ZNF398: variants seen among roughly 807,000 people sequenced by gnomAD.
The protein encoded by ZNF398 is zinc finger protein 398.
A neutral mutation model predicts 41.9 loss-of-function variants in ZNF398; 18 were observed. The ratio of observed to expected loss-of-function variants is 0.43; its 90% CI spans 0.30 to 0.64. The LOEUF (loss-of-function observed/expected upper bound fraction) is 0.64, where lower values mean the gene tolerates loss of function less well. ZNF398 is among the 30% of genes least tolerant of loss of function. The pLI is 0.14. For missense variants in ZNF398, 669 were observed against 822.8 expected (o/e 0.81, Z 2.29); for synonymous variants, 260 against 308.8 (o/e 0.84, Z 1.66).
In ZNF398 at chr7:149,176,552, A is replaced by C. The variant is rs749782587; in HGVS notation, c.746A>C (p.Glu249Ala). ...GTTGGGGCCCCACCGGAGTCCAAGG[A>C]GAGTGACGTGTACAAAAGCACTTAT... is the stretch of plus-strand genomic sequence containing the variant. ...PQVGAPPESKESDVYKSTYAD... is the reference protein window; with the variant it reads ...PQVGAPPESKASDVYKSTYAD... Residue 249 changes from glutamate to alanine, a missense_variant, in exon 5 of 6, where the codon GAG becomes GCG. Glu to Ala is a moderately radical substitution (Grantham distance 107). Coordinates refer to ENST00000475153, the MANE Select transcript of ZNF398 (RefSeq NM_170686.3). The C allele has an allele frequency of 3.7e-6, 6 of 1,611,298 alleles. No individual in the cohort carries two copies. In the Admixed American group the frequency reaches 8.4e-5, roughly 23 times the overall value.
intron 3 of ZNF398, 142 bp downstream of exon 3, chr7:149,166,426 T>A: frequency 1.0e-6 from 1 of 956,806 alleles, no homozygotes; most frequent in South Asian, 1.5e-5. Flanking sequence ...TATGACCAAT[T>A]AATGCTTGCT....
chr7:149,179,299 G>T lies in ZNF398; in HGVS notation c.1427G>T (p.Gly476Val). The change falls in exon 6 of 6, where the codon GGT (glycine) becomes GTT (valine). Residue 476 changes from glycine (G) to valine (V), a missense_variant. Physicochemically the swap from Gly to Val is moderately radical, Grantham distance 109. Transcript: ENST00000475153. This position sits in a 1 kb window ranked among gnomAD's most constrained non-coding sequence, Gnocchi z 6.1. ...LKISLLLHQR[G>V]HAQERPFSCP... The stretch of plus-strand genomic sequence containing the variant: ...ATCAGCCTCCTGCTCCACCAGCGGG[G>T]TCATGCACAAGAGCGCCCTTTCTCC... 1 of 1,613,186 alleles carries T rather than the reference G, an allele frequency of 6.2e-7. No homozygotes were observed. The highest frequency in any genetic ancestry group is 8.5e-7 in the Non-Finnish European group (1 of 1,179,994).
intron 2 of ZNF398, among the ~76,000 whole-genome samples, chr7:149,141,173 A>G (rs1427131428): frequency 6.6e-6 from 1 of 152,166 alleles, no homozygotes; most frequent in African/African-American, 2.4e-5. Context: ...TATATGATAA[A>G]TCATCTTTAA....
chr7:149,165,405 C>T (rs1795206526), intron 2 of ZNF398, among the ~76,000 whole-genome samples: 1 of 152,174 alleles, frequency 6.6e-6, no homozygotes, highest in Non-Finnish European at 1.5e-5. Context: ...TTGCAGTGAG[C>T]TGCAGTTGCC....
At chr7:149,158,360 A>C (rs1376105861) in intron 2 of ZNF398, among the ~76,000 whole-genome samples, 1 of 152,128 alleles carries the variant, frequency 6.6e-6, no homozygotes, top group Non-Finnish European at 1.5e-5. Flanking sequence ...TGAAGAGTGA[A>C]TGCGAAGAGA....
intron 1 of ZNF398, among the ~76,000 whole-genome samples, chr7:149,128,110 T>A (rs993744657): frequency 6.6e-6 from 1 of 151,980 alleles, no homozygotes; most frequent in African/African-American, 2.4e-5. Flanking sequence ...CAAATATGAG[T>A]GAGGAAGGCC....
At chr7:149,155,734 T>TTTTTTTTTTTTTTATTA (rs1794962115) in intron 2 of ZNF398, among the ~76,000 whole-genome samples, 2 of 110,654 alleles carry the variant, frequency 1.8e-5, no homozygotes, top group African/African-American at 4.1e-5. Flanking sequence ...TTTTTTAATT[T>TTTTTTTTTTTTTTATTA]TTTTTTTTTT....
chr7:149,167,196 A>G (rs1418818699), intron 4 of ZNF398, among the ~76,000 whole-genome samples: 1 of 152,236 alleles, frequency 6.6e-6, no homozygotes, highest in Non-Finnish European at 1.5e-5. Flanking sequence ...TAAAATAAAC[A>G]TGTCCTTACA....
At chr7:149,151,954 C>T (rs1045735371) in intron 1 of ZNF398, among the ~76,000 whole-genome samples, 5 of 151,844 alleles carry the variant, frequency 3.3e-5, no homozygotes, top group Admixed American at 1.3e-4. Flanking sequence ...ATAATGTGGC[C>T]GGGCACGGTG....
At chr7:149,128,780 T>TAAAATTATA (rs71192757) in intron 1 of ZNF398, 12 of 143,420 alleles carry the variant, frequency 8.4e-5, no homozygotes, top group African/African-American at 3.2e-4. Context: ...TAAAATAAAA[T>TAAAATTATA]TATATATATA....
chr7:149,169,773 A>T (rs1157973285), intron 4 of ZNF398, among the ~76,000 whole-genome samples: 1 of 152,168 alleles, frequency 6.6e-6, no homozygotes, highest in Non-Finnish European at 1.5e-5. Context: ...TTTCTTAAAA[A>T]AAAATATGCT....
rs374864305 is a variant in ZNF398 at position 149,133,678 on chromosome 7, T to TACAC, written c.-490+4737_-490+4738insCACA. Among the ~76,000 whole-genome samples the TACAC allele has an allele frequency of 1.2e-3, 79 of 66,986 alleles. 1 individual carries two copies. Among genetic ancestry groups the TACAC allele is most frequent in the African/African-American group, 4.6e-3 (76 of 16,426 alleles). 43.9% of individuals were successfully genotyped at this position (66,986 alleles called of 152,430 possible). A position where few individuals can be genotyped will look rare whatever the true frequency, so the allele number is the denominator to read the frequency against. On this transcript the variant is annotated intron_variant, in intron 2 of 6. Transcript: ENST00000426851. ...AAATATATATATATATATATATATA[T>TACAC]ACATATATATGTGTGTATATATATA...
intron 2 of ZNF398, among the ~76,000 whole-genome samples, chr7:149,161,951 T>A (rs1207587167): frequency 6.6e-6 from 1 of 152,144 alleles, no homozygotes; most frequent in African/African-American, 2.4e-5. Flanking sequence ...AAATAGAATC[T>A]GAAACACTAG....
intron 4 of ZNF398, among the ~76,000 whole-genome samples, chr7:149,172,447 G>A (rs75184691): frequency 0.018 from 2,788 of 151,512 alleles, 74 homozygotes; most frequent in African/African-American, 0.064. Context: ...AGTACCCCGC[G>A]CTCCCCCCCT....
intron 1 of ZNF398, among the ~76,000 whole-genome samples, chr7:149,152,427 A>G (rs1827141747): frequency 6.6e-6 from 1 of 151,006 alleles, no homozygotes; most frequent in Non-Finnish European, 1.5e-5. Context: ...CGCCTGGCTA[A>G]TTTTTTCTAT....
chr7:149,132,057 T>A lies in ZNF398; in HGVS notation c.-490+3113T>A, dbSNP rs183875755. 5.4e-3 allele frequency among the ~76,000 whole-genome samples: 823 copies of A among 152,310 alleles called. 5 individuals carry two copies. Among genetic ancestry groups the A allele is most frequent in the South Asian group, 0.017 (82 of 4,830 alleles). On this transcript the variant is annotated intron_variant, in intron 2 of 6. Transcript: ENST00000426851. ...TTTTGATGAATCTTACATTTGCAAATATATTTATAGAATACGTTCCTAGAA... is the reference window on the plus strand; with the variant it reads ...TTTTGATGAATCTTACATTTGCAAAAATATTTATAGAATACGTTCCTAGAA...
upstream of ZNF398, among the ~76,000 whole-genome samples, chr7:149,142,984 T>C (rs1457561883): frequency 6.6e-6 from 1 of 152,182 alleles, no homozygotes; most frequent in Non-Finnish European, 1.5e-5. Flanking sequence ...TATGTTATTT[T>C]ATTGATCGAT....
At chr7:149,133,094 A>G (rs532534872) in intron 2 of ZNF398, among the ~76,000 whole-genome samples, 1 of 149,898 alleles carries the variant, frequency 6.7e-6, no homozygotes, top group South Asian at 2.1e-4. Flanking sequence ...TGGCTTCTTT[A>G]GTGCAACCTG....
chr7:149,163,243 C>T (rs1301480997), intron 2 of ZNF398, among the ~76,000 whole-genome samples: 3 of 152,054 alleles, frequency 2.0e-5, no homozygotes, highest in Admixed American at 6.6e-5. Flanking sequence ...TCACTCCTGT[C>T]GCCCAGGCTG....
Sources: gnomAD v4.1 joint callset for allele counts (sites outside exome capture counted in the v4.1 genomes callset) on GRCh38, gnomAD v4.1.1 for gene constraint, Gnocchi (gnomAD v3.1) non-coding constraint, MANE v1.5 for transcripts, NCBI Gene and HGNC (gene_info 2026-07-23, HGNC 2026-07-21) for gene names.